CFAP251: variants seen among roughly 807,000 people sequenced by gnomAD.
CFAP251 encodes cilia and flagella associated protein 251, also known as cilia- and flagella-associated protein 251.
Under a neutral mutation model 126.7 loss-of-function variants are expected in CFAP251, and 93 were observed. That is an observed-to-expected ratio of 0.73 (90% CI 0.62 to 0.87). The LOEUF (loss-of-function observed/expected upper bound fraction) is 0.87. CFAP251 is among the 40% of genes least tolerant of loss of function. CFAP251 has a pLI of 0.00. For synonymous variants in CFAP251, 503 were observed against 506.9 expected (o/e 0.99, Z 0.10); for missense variants, 1,287 against 1,389.2 (o/e 0.93, Z 1.17).
chr12:121,936,132 T>C (rs1880886584), intron 5 of CFAP251, among the ~76,000 whole-genome samples: 1 of 152,232 alleles, frequency 6.6e-6, no homozygotes, highest in African/African-American at 2.4e-5. Context: ...AGCAATTTGT[T>C]CTTGCTATGG....
chr12:121,973,437 A>G (rs927243862), intron 17 of CFAP251, among the ~76,000 whole-genome samples: 21 of 152,170 alleles, frequency 1.4e-4, no homozygotes, highest in African/African-American at 5.1e-4. Flanking sequence ...CAGAGTCTCT[A>G]CTGGGGCACT....
rs1389467825 is a variant in CFAP251 at position 122,000,566 on chromosome 12, GAAAA to G, written c.3235+626_3235+629del. Among the ~76,000 whole-genome samples, 3 of 149,004 alleles carry G rather than the reference GAAAA, an allele frequency of 2.0e-5. No homozygotes were observed. The South Asian group carries it at 6.4e-4, about 32-fold the overall frequency. ...GACTGTCAAAAAAAAAAAAAAGAAA[GAAAA>G]AAAGAAAAGAAAAGAAAACAAATAT... On this transcript the variant is annotated intron_variant, in intron 20 of 21. Coordinates refer to ENST00000288912, the MANE Select transcript of CFAP251 (RefSeq NM_144668.6).
At chr12:121,962,281 C>T (rs1227881075) in intron 15 of CFAP251, 119 bp downstream of exon 15, 9 of 906,242 alleles carry the variant, frequency 9.9e-6, no homozygotes, top group Non-Finnish European at 1.5e-5. Context: ...ATCCTCTTTG[C>T]TTTGCAGAGG....
intron 6 of CFAP251, 121 bp downstream of exon 6, chr12:121,942,766 A>G (rs1881174513): frequency 1.6e-6 from 2 of 1,248,374 alleles, no homozygotes; most frequent in African/African-American, 1.5e-5. Flanking sequence ...AAAAGACCAG[A>G]CTCCACAGCA....
intron 7 of CFAP251, among the ~76,000 whole-genome samples, chr12:121,947,438 T>A (rs1881363697): frequency 6.6e-6 from 1 of 152,206 alleles, no homozygotes; most frequent in East Asian, 1.9e-4. Context: ...TGGTTTTCAG[T>A]CATTTGGATG....
At chr12:121,968,662 C>G (rs1407188753) in intron 17 of CFAP251, among the ~76,000 whole-genome samples, 1 of 152,004 alleles carries the variant, frequency 6.6e-6, no homozygotes, top group Non-Finnish European at 1.5e-5. Context: ...GAATATGGGC[C>G]CACCCTCTAC....
At chr12:121,942,420 A>G (rs1881157549) in intron 5 of CFAP251, 114 bp from the exon 6 acceptor site, 8 of 638,666 alleles carry the variant, frequency 1.3e-5, no homozygotes, top group South Asian at 9.7e-5. Flanking sequence ...GTATGGATAG[A>G]CCACATTTTG....
At chr12:121,936,659 G>A (rs967183987) in intron 5 of CFAP251, among the ~76,000 whole-genome samples, 3 of 152,046 alleles carry the variant, frequency 2.0e-5, no homozygotes, top group Admixed American at 2.0e-4. Flanking sequence ...TGGGCTGTGG[G>A]ATGTGACATG....
chr12:121,938,846 C>T (rs1204892571), intron 5 of CFAP251, among the ~76,000 whole-genome samples: 2 of 151,330 alleles, frequency 1.3e-5, no homozygotes, highest in African/African-American at 2.4e-5. Flanking sequence ...AAAAATTAGT[C>T]GGGCATAATG....
intron 19 of CFAP251, among the ~76,000 whole-genome samples, chr12:121,982,527 C>T (rs960562696): frequency 3.3e-5 from 5 of 152,092 alleles, no homozygotes; most frequent in Non-Finnish European, 5.9e-5. Context: ...GATAGGCATG[C>T]GCCATCTTGC....
chr12:121,975,974 C>T (rs1882446839), intron 19 of CFAP251, among the ~76,000 whole-genome samples: 2 of 151,758 alleles, frequency 1.3e-5, no homozygotes, highest in Admixed American at 1.3e-4. Flanking sequence ...CAGCCCTGAC[C>T]CTTGCTAGGT....
At position 121,957,132 on chromosome 12, in the gene CFAP251, A is replaced by G. The variant is rs1458898297; in HGVS notation, c.1594A>G (p.Ile532Val). 6 of 1,613,994 alleles carry G rather than the reference A, an allele frequency of 3.7e-6. No individual in the cohort carries two copies. Among genetic ancestry groups the G allele is most frequent in the Middle Eastern group, 1.7e-4 (1 of 6,058 alleles). ...TAAGTTCTATGATCACACCCTGTCT[A>G]TTGTTAACTGGTACAGTCACTTGAA... ...NIKFYDHTLS[I>V]VNWYSHLKLG... is the part of the protein sequence containing the mutation. Residue 532 changes from isoleucine to valine, a missense_variant, in exon 11 of 22, where the codon ATT (isoleucine) becomes GTT (valine). Physicochemically the swap from Ile to Val is conservative, Grantham distance 29. Transcript: ENST00000288912.
At chr12:121,928,040 C>T (rs550004885) in intron 3 of CFAP251, among the ~76,000 whole-genome samples, 4 of 152,288 alleles carry the variant, frequency 2.6e-5, no homozygotes, top group South Asian at 2.1e-4. Flanking sequence ...GAACGCTGCT[C>T]GAGTGGGGTT....
intron 9 of CFAP251, chr12:121,953,072 AT>A (rs1337753257): frequency 1.3e-5 from 2 of 152,246 alleles, no homozygotes; most frequent in Non-Finnish European, 2.9e-5. Flanking sequence ...ATTCATTAAC[AT>A]TGAACTCATG....
At chr12:121,943,892 A>G (rs535054742) in intron 7 of CFAP251, among the ~76,000 whole-genome samples, 1 of 152,348 alleles carries the variant, frequency 6.6e-6, no homozygotes, top group South Asian at 2.1e-4. Context: ...TATCTGTGGA[A>G]TACTACCATT....
chr12:121,942,477 T>A, intron 5 of CFAP251, 57 bp from the exon 6 acceptor site: 3 of 1,318,610 alleles, frequency 2.3e-6, no homozygotes, highest in Non-Finnish European at 3.2e-6. Context: ...GCCCTGGGAC[T>A]CTCTGGGAAG....
rs981453472 is a variant in CFAP251 at position 121,954,808 on chromosome 12, A to G, written c.1535+474A>G. Reference sequence around the variant, plus strand: ...GATGGGGGTGGATTTACTTCTTTTTATAGTTCCATTTATACTAATTGGATT... The same window carrying G: ...GATGGGGGTGGATTTACTTCTTTTTGTAGTTCCATTTATACTAATTGGATT... On this transcript the variant is annotated intron_variant, in intron 10 of 21. Transcript: ENST00000288912. Among the ~76,000 whole-genome samples the G allele has an allele frequency of 2.6e-5, 4 of 152,060 alleles. No individual in the cohort carries two copies. The East Asian group carries it at 5.8e-4, about 22-fold the overall frequency.
chr12:121,985,483 G>A (rs1882723793), intron 19 of CFAP251, among the ~76,000 whole-genome samples: 1 of 133,008 alleles, frequency 7.5e-6, no homozygotes, highest in Non-Finnish European at 1.5e-5. Flanking sequence ...GCAGTGAGCT[G>A]AAATGGTGCC....
chr12:121,937,774 C>T (rs966298553), intron 5 of CFAP251, among the ~76,000 whole-genome samples: 24 of 152,092 alleles, frequency 1.6e-4, no homozygotes, highest in Admixed American at 1.2e-3. Flanking sequence ...ATCTCATTAC[C>T]CAACCCTGAT....
Sources: allele counts gnomAD v4.1 joint callset (sites outside exome capture counted in the v4.1 genomes callset), GRCh38; gene constraint gnomAD v4.1.1; transcripts MANE v1.5; gene names NCBI Gene and HGNC (gene_info 2026-07-23, HGNC 2026-07-21).